The following RHBDL2 variants were observed in gnomAD, a reference collection of about 807,000 sequenced individuals.
The protein encoded by RHBDL2 is rhomboid-related protein 2.
In RHBDL2, 26 loss-of-function variants were observed where a neutral mutation model predicts 31.7. The observed-to-expected ratio is 0.82, with a 90% confidence interval of 0.60 to 1.14. RHBDL2 has a LOEUF of 1.14. Among genes scored for constraint, RHBDL2 ranks in the 50% most tolerant of loss-of-function variants. The pLI, the probability that RHBDL2 is intolerant of heterozygous loss-of-function variation, is 0.00. For missense variants in RHBDL2, 336 were observed against 364.4 expected, an observed-to-expected ratio of 0.92 and a Z score of 0.63; for synonymous variants, 123 against 127.2, an observed-to-expected ratio of 0.97 and a Z score of 0.22.
rs1643138570 is a variant in RHBDL2, at chr1:38,911,359, G to A, written c.471C>T (p.Leu157=). 6.2e-7 allele frequency: 1 copy of A among 1,613,886 alleles called. No individual in the cohort carries two copies. The highest frequency in any genetic ancestry group is 1.7e-5 in the Admixed American group (1 of 59,976). ...GIPLEMVHKG[L]RVGLVYLAGV... is the part of the protein sequence containing the mutation. ...CTGCCAGGTACACCAGCCCCACACG[G>A]AGGCCTTTGTGGACCATTTCCAAGG... The change falls in exon 4 of 8, where the codon CTC becomes CTT. Residue 157 remains leucine, a synonymous_variant. Coordinates refer to ENST00000372990, the MANE Select transcript of RHBDL2 (RefSeq NM_017821.5).
chr1:38,908,628 T>C (rs1305859490), intron 4 of RHBDL2, among the ~76,000 whole-genome samples: 2 of 151,962 alleles, frequency 1.3e-5, no homozygotes, highest in Non-Finnish European at 2.9e-5. Flanking sequence ...TGTTGTTCGC[T>C]TCTTCAGTGC....
At chr1:38,905,972 CA>C (rs904837793) in intron 4 of RHBDL2, among the ~76,000 whole-genome samples, 113 of 150,614 alleles carry the variant, frequency 7.5e-4, no homozygotes, top group African/African-American at 2.6e-3. Context: ...GAGGCTGAGG[CA>C]GGAGAATCGC....
chr1:38,886,642 C>T lies in RHBDL2; in HGVS notation c.774G>A (p.Met258Ile), dbSNP rs1482763373. ...AGCTAAACACCGTGTAGCCAATGGACATTCCAGCAAATCCACCTGCAATGT... is the reference window on the plus strand; with the variant it reads ...AGCTAAACACCGTGTAGCCAATGGATATTCCAGCAAATCCACCTGCAATGT... ...AAHIAGGFAGMSIGYTVFSCF... is the reference protein window; with the variant it reads ...AAHIAGGFAGISIGYTVFSCF... Residue 258 changes from methionine (M) to isoleucine (I), a missense_variant, in exon 8 of 8, where the codon ATG becomes ATA. Coordinates refer to ENST00000372990, the MANE Select transcript of RHBDL2 (RefSeq NM_017821.5). The T allele has an allele frequency of 5.1e-6, 8 of 1,579,742 alleles. No homozygotes were observed. The highest frequency in any genetic ancestry group is 6.9e-6 in the Non-Finnish European group (8 of 1,159,454).
rs547790628 is a variant in RHBDL2 at position 38,920,607 on chromosome 1, C to CTTTTTTTTTTTTTTTTTTT, written c.-125-1271_-125-1270insAAAAAAAAAAAAAAAAAAA. The stretch of plus-strand genomic sequence containing the variant: ...GTGAACATCCCTGTACAAGTTTTCT[C>CTTTTTTTTTTTTTTTTTTT]TTTTTTTTTTTTTTTTTGAGACAGA... On this transcript the variant is annotated intron_variant, in intron 1 of 7. Transcript: ENST00000372990. Among the ~76,000 whole-genome samples, 4 of 129,062 alleles carry CTTTTTTTTTTTTTTTTTTT rather than the reference C, an allele frequency of 3.1e-5. No individual in the cohort carries two copies. In the East Asian group the frequency reaches 9.4e-4, roughly 30 times the overall value. The allele number at this position is 129,062 out of a possible 152,430, so 84.7% of individuals were successfully genotyped here.
intron 4 of RHBDL2, among the ~76,000 whole-genome samples, chr1:38,896,606 A>C (rs975825546): frequency 2.0e-5 from 3 of 152,202 alleles, no homozygotes; most frequent in Admixed American, 1.3e-4. Context: ...TTCAGTCAAA[A>C]TACCTGAGAC....
chr1:38,916,294 G>A (rs72925186), intron 2 of RHBDL2, among the ~76,000 whole-genome samples: 2,886 of 152,166 alleles, frequency 0.019, 105 homozygotes, highest in African/African-American at 0.066. Context: ...GTTAAATCAC[G>A]AGAAAAGCAT....
At chr1:38,910,965 G>A in intron 4 of RHBDL2, among the ~76,000 whole-genome samples, 1 of 151,932 alleles carries the variant, frequency 6.6e-6, no homozygotes, top group East Asian at 1.9e-4. Flanking sequence ...TTTTGGTGGA[G>A]AGAGGGTTTC....
chr1:38,894,217 T>C (rs945350153), intron 5 of RHBDL2, among the ~76,000 whole-genome samples: 1 of 152,196 alleles, frequency 6.6e-6, no homozygotes, highest in African/African-American at 2.4e-5. Flanking sequence ...CTACAACCAC[T>C]AATGGGTTGC....
chr1:38,890,256 G>A lies in RHBDL2; in HGVS notation c.671-2232C>T, dbSNP rs575430376. Among the ~76,000 whole-genome samples the A allele has an allele frequency of 3.0e-4, 45 of 151,968 alleles. 2 individuals are homozygous for A. In the South Asian group the frequency reaches 4.6e-3, roughly 15 times the overall value. On this transcript the variant is annotated intron_variant, in intron 6 of 7. Coordinates refer to ENST00000372990, the MANE Select transcript of RHBDL2 (RefSeq NM_017821.5). ...TTTCACCATGAGATCTCCTGACCTC[G>A]TGATCCACCCGCCTCGGCTTCCTAA...
intron 1 of RHBDL2, among the ~76,000 whole-genome samples, chr1:38,939,839 T>C (rs1643544751): frequency 6.6e-6 from 1 of 152,040 alleles, no homozygotes; most frequent in East Asian, 1.9e-4. Context: ...TGAGCCACCG[T>C]GCCAGGACTT....
intron 1 of RHBDL2, among the ~76,000 whole-genome samples, chr1:38,930,403 C>G (rs1166639924): frequency 6.6e-6 from 1 of 152,188 alleles, no homozygotes; most frequent in Non-Finnish European, 1.5e-5. Flanking sequence ...AGCTGGGGCA[C>G]AAACCTGGGA....
intron 1 of RHBDL2, among the ~76,000 whole-genome samples, chr1:38,932,582 C>T (rs996680742): frequency 6.6e-6 from 1 of 152,180 alleles, no homozygotes; most frequent in African/African-American, 2.4e-5. Context: ...GCCTCAGCCT[C>T]CCAAGTAGCT....
intron 1 of RHBDL2, among the ~76,000 whole-genome samples, chr1:38,940,547 A>G (rs1010772316): frequency 6.6e-6 from 1 of 152,016 alleles, no homozygotes; most frequent in Non-Finnish European, 1.5e-5. Context: ...TTCTGTTTAC[A>G]CGCTGCCTAC....
intron 4 of RHBDL2, among the ~76,000 whole-genome samples, chr1:38,907,266 G>A (rs1315380987): frequency 1.3e-5 from 2 of 152,228 alleles, no homozygotes; most frequent in Admixed American, 6.5e-5. Context: ...AAGGCCAGGT[G>A]CAGTGGCTCA....
At chr1:38,937,247 C>T (rs1409673730) in intron 1 of RHBDL2, among the ~76,000 whole-genome samples, 1 of 152,132 alleles carries the variant, frequency 6.6e-6, no homozygotes, top group Non-Finnish European at 1.5e-5. Context: ...CGCCTGGCCC[C>T]TGGCCGAGTA....
At position 38,893,244 on chromosome 1, in the gene RHBDL2, T is replaced by A. The variant is rs1642876002; in HGVS notation, c.610-20A>T. On this transcript the variant is annotated intron_variant, in intron 5 of 7. Transcript: ENST00000372990. ...AAAATTCTTAAAAAGAGATAAATAA[T>A]AATTATATAAGCTATCTATGGACAA... 1 of 1,205,202 alleles carries A rather than the reference T, an allele frequency of 8.3e-7. No individual in the cohort carries two copies. The highest frequency in any genetic ancestry group is 1.2e-6 in the Non-Finnish European group (1 of 818,038). The allele number at this position is 1,205,202 out of a possible 1,614,324, so 74.7% of individuals were successfully genotyped here. A position where few individuals can be genotyped will look rare whatever the true frequency, so the allele number is the denominator to read the frequency against.
intron 1 of RHBDL2, among the ~76,000 whole-genome samples, chr1:38,939,953 G>A (rs1465270279): frequency 1.3e-5 from 2 of 151,990 alleles, no homozygotes; most frequent in African/African-American, 2.4e-5. Flanking sequence ...TGGGACTACA[G>A]GCATGAGTCA....
chr1:38,921,848 G>C lies in RHBDL2; in HGVS notation c.-125-2511C>G, dbSNP rs1643319677. ...CTACAATGTGGATTTAAGATCAGCA[G>C]CTTTTAACCACAAATATTAAAGCAT... is the stretch of plus-strand genomic sequence containing the variant. On this transcript the variant is annotated intron_variant, in intron 1 of 7. Coordinates refer to ENST00000372990, the MANE Select transcript of RHBDL2 (RefSeq NM_017821.5). 2.6e-5 allele frequency among the ~76,000 whole-genome samples: 4 copies of C among 152,084 alleles called. No individual in the cohort carries two copies. In the South Asian group the frequency reaches 8.3e-4, roughly 32 times the overall value.
chr1:38,911,396 A>G lies in RHBDL2; in HGVS notation c.434T>C (p.Val145Ala), dbSNP rs1643139392. 2.5e-6 allele frequency: 4 copies of G among 1,614,012 alleles called. No individual in the cohort carries two copies. The highest frequency in any genetic ancestry group is 3.4e-6 in the Non-Finnish European group (4 of 1,179,994). ...GACCATTTCCAAGGGAATACCCAAAACAAGCTGCATACAAAGATTCCCCAA... is the reference window on the plus strand; with the variant it reads ...GACCATTTCCAAGGGAATACCCAAAGCAAGCTGCATACAAAGATTCCCCAA... The part of the protein sequence containing the change: ...HILGNLCMQL[V>A]LGIPLEMVHK... The change falls in exon 4 of 8, where the codon GTT (valine) becomes GCT (alanine). Residue 145 changes from valine (V) to alanine (A), a missense_variant. Transcript: ENST00000372990.
Sources: allele counts gnomAD v4.1 joint callset (sites outside exome capture counted in the v4.1 genomes callset), GRCh38; gene constraint gnomAD v4.1.1; transcripts MANE v1.5; gene names NCBI Gene and HGNC (gene_info 2026-07-23, HGNC 2026-07-21).